Variants in SRFBP1 observed in about 807,000 individuals in gnomAD.
The protein encoded by SRFBP1 is serum response factor binding protein 1.
A neutral mutation model predicts 45.5 loss-of-function variants in SRFBP1; 47 were observed. The observed-to-expected ratio is 1.03, with a 90% CI of 0.82 to 1.32. SRFBP1 has a LOEUF of 1.32. SRFBP1 is among the 40% of genes most tolerant of loss of function. The probability of loss-of-function intolerance (pLI) is 0.00; values close to 1 mark genes in which losing one functional copy is unlikely to be tolerated. For missense variants in SRFBP1, 621 were observed against 484.6 expected (o/e 1.28, Z -2.64); for synonymous variants, 203 against 166.3 (o/e 1.22, Z -1.70).
intron 2 of SRFBP1, chr5:122,066,825 G>T: frequency 2.1e-6 from 2 of 948,308 alleles, no homozygotes; most frequent in Non-Finnish European, 3.4e-6. Context: ...CAAATTTAAA[G>T]TCAACCTTTT....
At chr5:122,033,822 T>G (rs924756072) in intron 2 of SRFBP1, among the ~76,000 whole-genome samples, 3 of 145,002 alleles carry the variant, frequency 2.1e-5, no homozygotes, top group Non-Finnish European at 3.0e-5. Context: ...ATTTTCAGTT[T>G]TTTTTTTTTT....
intron 2 of SRFBP1, among the ~76,000 whole-genome samples, chr5:122,038,720 A>C (rs1312741870): frequency 6.6e-6 from 1 of 152,216 alleles, no homozygotes; most frequent in Non-Finnish European, 1.5e-5. Context: ...TTAGGAAAGA[A>C]CTTTAAGAGA....
rs1159208611 is a variant in SRFBP1 at position 122,020,558 on chromosome 5, A to G, written c.823A>G (p.Met275Val). The change falls in exon 6 of 8, where the codon ATG becomes GTG. Residue 275 changes from methionine to valine, a missense_variant. Physicochemically the swap from Met to Val is conservative, Grantham distance 21. Transcript: ENST00000339397. ...AGAAAGGTTTTACAAGCAGTCTTCC[A>G]TGTCTGAAGATAGTGATAGCGGTGA... ...TEERFYKQSSMSEDSDSGDDF... is the reference protein window; with the variant it reads ...TEERFYKQSSVSEDSDSGDDF... The G allele has an allele frequency of 1.2e-6, 2 of 1,614,152 alleles. No individual in the cohort carries two copies. Among genetic ancestry groups the G allele is most frequent in the South Asian group, 2.2e-5 (2 of 91,066 alleles).
chr5:122,026,911 A>T, intron 7 of SRFBP1, 31 bp from the exon 8 acceptor site: 1 of 1,504,362 alleles, frequency 6.6e-7, no homozygotes, highest in Non-Finnish European at 9.1e-7. Flanking sequence ...TTAAGTATAT[A>T]GTTATTATTA....
At chr5:122,039,869 C>G (rs527842002) in intron 2 of SRFBP1, among the ~76,000 whole-genome samples, 2 of 152,116 alleles carry the variant, frequency 1.3e-5, no homozygotes, top group Non-Finnish European at 2.9e-5. Context: ...GAATAATGTT[C>G]TAATGCTATA....
chr5:121,994,475 T>A lies in SRFBP1; in HGVS notation c.199-124T>A, dbSNP rs116240960. The A allele has an allele frequency of 5.4e-4, 356 of 659,870 alleles. 1 individual carries two copies. The African/African-American group carries it at 6.2e-3, about 11-fold the overall frequency. The allele number at this position is 659,870 out of a possible 1,614,324, so 40.9% of individuals were successfully genotyped here. On this transcript the variant is annotated intron_variant, in intron 3 of 7. Coordinates refer to ENST00000339397, the MANE Select transcript of SRFBP1 (RefSeq NM_152546.3). ...TCAACTCTGTCATATTTTATGGGAG[T>A]TAATTCTTTTCTCAAAATTAAGATG...
intron 7 of SRFBP1, among the ~76,000 whole-genome samples, chr5:122,024,098 A>G (rs1753418857): frequency 6.6e-6 from 1 of 152,180 alleles, no homozygotes; most frequent in African/African-American, 2.4e-5. Context: ...TTAAGTTCCC[A>G]AATATCTAGA....
chr5:122,021,668 C>CTTTTTTTTTTTTTTTTTTT (rs912072262), intron 6 of SRFBP1, among the ~76,000 whole-genome samples: 1 of 96,954 alleles, frequency 1.0e-5, no homozygotes, highest in Non-Finnish European at 2.0e-5. Flanking sequence ...AAATATAAAT[C>CTTTTTTTTTTTTTTTTTTT]TTTTTTTTTT....
In SRFBP1 at chr5:122,042,450, G is replaced by A. The variant is rs373598093; in HGVS notation, n.311+20043G>A. 6.6e-5 allele frequency among the ~76,000 whole-genome samples: 10 copies of A among 151,968 alleles called. 1 individual carries two copies. The East Asian group carries it at 1.4e-3, about 21-fold the overall frequency. On this transcript the variant is annotated intron_variant and non_coding_transcript_variant, in intron 2 of 2. Transcript: ENST00000504881. ...CCTGGCTTTGTAGAGACAACATCTT[G>A]CTATGTTGCCCAGGCTATTCTTGAA...
rs77523011 is a variant in SRFBP1 at position 121,993,107 on chromosome 5, C to T, written c.199-1492C>T. 5.2e-3 allele frequency among the ~76,000 whole-genome samples: 789 copies of T among 151,974 alleles called. 20 individuals are homozygous for T. The East Asian group carries it at 0.053, about 10-fold the overall frequency. On this transcript the variant is annotated intron_variant, in intron 3 of 7. Transcript: ENST00000339397. The stretch of plus-strand genomic sequence containing the variant: ...GGCAAACATATTTCTTTAAATATAC[C>T]CAACCTGATTAAATTCATATCAACT...
intron 4 of SRFBP1, among the ~76,000 whole-genome samples, chr5:122,011,351 G>C (rs1580524909): frequency 6.6e-6 from 1 of 152,144 alleles, no homozygotes; most frequent in East Asian, 1.9e-4. Flanking sequence ...GGAGGTACAT[G>C]AAAACCACAG....
intron 3 of SRFBP1, among the ~76,000 whole-genome samples, chr5:121,985,581 G>C (rs1752496562): frequency 6.6e-6 from 1 of 151,610 alleles, no homozygotes; most frequent in Non-Finnish European, 1.5e-5. Context: ...CCTGCACAGG[G>C]GCAGTGTTTA....
chr5:122,050,479 T>G (rs887234964), intron 2 of SRFBP1, among the ~76,000 whole-genome samples: 1 of 152,204 alleles, frequency 6.6e-6, no homozygotes, highest in Non-Finnish European at 1.5e-5. Flanking sequence ...GGAGGTTGTA[T>G]GTGTCCAGGA....
chr5:122,066,593 C>A (rs929305120), intron 2 of SRFBP1: 8 of 585,886 alleles, frequency 1.4e-5, no homozygotes, highest in Admixed American at 2.8e-5. Context: ...CAGTTATGTG[C>A]TTTGTTATTG....
chr5:122,076,669 A>C (rs527967838), downstream of SRFBP1, among the ~76,000 whole-genome samples: 2 of 152,292 alleles, frequency 1.3e-5, no homozygotes, highest in African/African-American at 2.4e-5. Flanking sequence ...GGTTTCCTCC[A>C]CCTCTGTGAT....
At chr5:122,041,749 A>G (rs1183421137) in intron 2 of SRFBP1, among the ~76,000 whole-genome samples, 1 of 152,148 alleles carries the variant, frequency 6.6e-6, no homozygotes, top group Non-Finnish European at 1.5e-5. Flanking sequence ...GAATTATATC[A>G]TCTAAAGATA....
intron 4 of SRFBP1, among the ~76,000 whole-genome samples, chr5:122,007,296 C>T (rs1278369817): frequency 6.6e-6 from 1 of 152,016 alleles, no homozygotes; most frequent in East Asian, 1.9e-4. Context: ...CAGCCTGGCA[C>T]TGGTGAATGC....
chr5:122,048,966 A>G (rs1220317195), intron 2 of SRFBP1, among the ~76,000 whole-genome samples: 2 of 152,036 alleles, frequency 1.3e-5, no homozygotes, highest in Admixed American at 6.6e-5. Flanking sequence ...CTAGCGGTCT[A>G]TCAATTTTGT....
intron 2 of SRFBP1, chr5:122,069,865 T>G (rs1037505460): frequency 3.1e-5 from 19 of 615,514 alleles, no homozygotes; most frequent in East Asian, 3.0e-4. Context: ...ACTAAAAACC[T>G]TAGTACATTC....
Sources: allele counts gnomAD v4.1 joint callset (sites outside exome capture counted in the v4.1 genomes callset), GRCh38; gene constraint gnomAD v4.1.1; transcripts MANE v1.5; gene names NCBI Gene and HGNC (gene_info 2026-07-23, HGNC 2026-07-21).